The following NOL4 variants were observed in gnomAD, a reference collection of about 807,000 sequenced individuals.
The protein encoded by NOL4 is cancer/testis antigen 125.
Under a neutral mutation model 75.9 loss-of-function variants are expected in NOL4, and 17 were observed. The observed-to-expected ratio is 0.22, with a 90% confidence interval of 0.15 to 0.34. The LOEUF (loss-of-function observed/expected upper bound fraction) is 0.34. NOL4 is among the 10% of genes least tolerant of loss of function. The pLI, the probability that NOL4 is intolerant of heterozygous loss-of-function variation, is 1.00. For synonymous variants in NOL4, 292 were observed against 289.9 expected (o/e 1.01, Z -0.07); for missense variants, 614 against 793.5 (o/e 0.77, Z 2.72).
At chr18:33,868,829 T>C (rs1383063122) in intron 10 of NOL4, among the ~76,000 whole-genome samples, 1 of 152,016 alleles carries the variant, frequency 6.6e-6, no homozygotes, top group Non-Finnish European at 1.5e-5. Context: ...TCCTCTGGAA[T>C]TGAGATTACT....
chr18:34,174,588 T>C (rs1364601520), intron 1 of NOL4, among the ~76,000 whole-genome samples: 1 of 151,988 alleles, frequency 6.6e-6, no homozygotes, highest in Non-Finnish European at 1.5e-5. Flanking sequence ...AGTTTTATAT[T>C]ACATAGATAG....
At chr18:34,178,079 T>C (rs1028813500) in intron 1 of NOL4, among the ~76,000 whole-genome samples, 4 of 151,832 alleles carry the variant, frequency 2.6e-5, no homozygotes, top group African/African-American at 7.2e-5. Flanking sequence ...AAACAATGTA[T>C]AGAGATATAA....
At chr18:33,975,727 T>C (rs1021942342) in intron 6 of NOL4, among the ~76,000 whole-genome samples, 17 of 152,214 alleles carry the variant, frequency 1.1e-4, no homozygotes, top group East Asian at 1.9e-4. Flanking sequence ...GTCAGCCGAG[T>C]TGGCGCCACT....
chr18:34,061,786 TA>T (rs1194087669), intron 5 of NOL4, among the ~76,000 whole-genome samples: 1 of 152,136 alleles, frequency 6.6e-6, no homozygotes, highest in Non-Finnish European at 1.5e-5. Context: ...TTTTTATTCA[TA>T]ATATTATAAA....
At chr18:34,195,900 C>T (rs139178530) in intron 1 of NOL4, among the ~76,000 whole-genome samples, 99 of 152,192 alleles carry the variant, frequency 6.5e-4, no homozygotes, top group Non-Finnish European at 1.3e-3. Flanking sequence ...AGAAATCTCT[C>T]CCAGTAGATA....
chr18:34,072,499 G>A (rs951248225), intron 5 of NOL4, among the ~76,000 whole-genome samples: 1 of 152,116 alleles, frequency 6.6e-6, no homozygotes, highest in Non-Finnish European at 1.5e-5. Context: ...CACAATCGTA[G>A]TTTGAGATTT....
At chr18:34,145,894 G>C (rs562648262) in intron 1 of NOL4, among the ~76,000 whole-genome samples, 1 of 151,980 alleles carries the variant, frequency 6.6e-6, no homozygotes, top group African/African-American at 2.4e-5. Flanking sequence ...AAACAACACT[G>C]AATTCCAAGT....
intron 1 of NOL4, among the ~76,000 whole-genome samples, chr18:34,137,904 T>G (rs748908981): frequency 1.3e-5 from 2 of 151,814 alleles, no homozygotes; most frequent in African/African-American, 2.4e-5. Flanking sequence ...ATCCAAAAAG[T>G]GGGAACTCAA....
chr18:34,127,440 T>C (rs1049279084), intron 2 of NOL4, among the ~76,000 whole-genome samples: 3 of 151,906 alleles, frequency 2.0e-5, no homozygotes, highest in African/African-American at 7.2e-5. Context: ...AACATAATCA[T>C]CATGCATGCT....
chr18:34,184,016 A>C (rs570074352), intron 1 of NOL4, among the ~76,000 whole-genome samples: 27 of 151,962 alleles, frequency 1.8e-4, no homozygotes, highest in African/African-American at 5.1e-4. Flanking sequence ...AAAAAAATGC[A>C]ACTGATAGGA....
intron 10 of NOL4, among the ~76,000 whole-genome samples, chr18:33,857,771 T>C (rs550394388): frequency 6.6e-6 from 1 of 152,108 alleles, no homozygotes; most frequent in East Asian, 1.9e-4. Flanking sequence ...AATACTGAAG[T>C]GTTTTCCACA....
chr18:33,862,150 A>T (rs1387471560), intron 10 of NOL4, among the ~76,000 whole-genome samples: 1 of 152,188 alleles, frequency 6.6e-6, no homozygotes, highest in Non-Finnish European at 1.5e-5. Flanking sequence ...GACAAACCTG[A>T]GAAAAACAAG....
intron 6 of NOL4, among the ~76,000 whole-genome samples, chr18:34,009,231 G>A (rs1159237915): frequency 6.6e-6 from 1 of 151,818 alleles, no homozygotes; most frequent in Non-Finnish European, 1.5e-5. Flanking sequence ...ATGGGATCAA[G>A]AATGCCTATA....
chr18:33,912,017 A>T (rs2066439396), intron 9 of NOL4, among the ~76,000 whole-genome samples: 1 of 152,076 alleles, frequency 6.6e-6, no homozygotes, highest in African/African-American at 2.4e-5. Context: ...TGGGTCTAAC[A>T]ACTTGTTAGA....
At chr18:33,976,982 A>C (rs2071541370) in intron 6 of NOL4, among the ~76,000 whole-genome samples, 1 of 152,174 alleles carries the variant, frequency 6.6e-6, no homozygotes, top group African/African-American at 2.4e-5. Flanking sequence ...CTTAGGTTGC[A>C]TATAGAATAG....
Position 34,096,890 on chromosome 18 carries a change from G to C in NOL4, c.640-3293C>G, listed in dbSNP as rs553548978. On this transcript the variant is annotated intron_variant, in intron 4 of 10. Coordinates refer to ENST00000261592, the MANE Select transcript of NOL4 (RefSeq NM_003787.5). ...TTATTTCTATCTTCAGAAGTTGCTT[G>C]AAATGGAGACCCCTAATCTGCTCCA... 2.7e-4 allele frequency among the ~76,000 whole-genome samples: 41 copies of C among 152,152 alleles called. 1 individual carries two copies. The South Asian group carries it at 8.1e-3, about 30-fold the overall frequency.
intron 8 of NOL4, among the ~76,000 whole-genome samples, chr18:33,947,473 A>T (rs1422033626): frequency 2.0e-5 from 3 of 151,842 alleles, no homozygotes; most frequent in Non-Finnish European, 4.4e-5. Context: ...TGATGCAAAA[A>T]CCAAATGCAA....
At chr18:34,177,427 G>T (rs533293739) in intron 1 of NOL4, among the ~76,000 whole-genome samples, 2 of 151,976 alleles carry the variant, frequency 1.3e-5, no homozygotes, top group African/African-American at 4.8e-5. Context: ...ACAATTTATT[G>T]TACGTCAATC....
chr18:34,220,751 C>A (rs2037241543), intron 1 of NOL4, among the ~76,000 whole-genome samples: 1 of 152,062 alleles, frequency 6.6e-6, no homozygotes, highest in Non-Finnish European at 1.5e-5. Flanking sequence ...TATTTCAAAA[C>A]AGGCTTGAAT....
Sources: allele counts gnomAD v4.1 joint callset (sites outside exome capture counted in the v4.1 genomes callset), GRCh38; gene constraint gnomAD v4.1.1; transcripts MANE v1.5; gene names NCBI Gene and HGNC (gene_info 2026-07-23, HGNC 2026-07-21).